The following SMAP1 variants were observed in gnomAD, a reference collection of about 807,000 sequenced individuals.
SMAP1 encodes the protein small ArfGAP 1.
SMAP1 carries 24 observed loss-of-function variants against 58.5 expected under a neutral mutation model. That is an observed-to-expected ratio of 0.41 (90% CI 0.30 to 0.58). SMAP1 has a LOEUF of 0.58. Among genes scored for constraint, SMAP1 ranks in the 20% least tolerant of loss-of-function variants. SMAP1 has a pLI of 0.29. For missense variants in SMAP1, 563 were observed against 566.3 expected (o/e 0.99, Z 0.06); for synonymous variants, 216 against 196.6 (o/e 1.10, Z -0.82).
chr6:70,786,663 GACAA>G (rs1245505185), intron 4 of SMAP1, among the ~76,000 whole-genome samples: 7 of 152,022 alleles, frequency 4.6e-5, no homozygotes, highest in Admixed American at 1.3e-4. Flanking sequence ...ATCAATAACA[GACAA>G]ACAGAGAGCC....
chr6:70,836,593 C>T (rs760065137), intron 6 of SMAP1, among the ~76,000 whole-genome samples: 27 of 152,010 alleles, frequency 1.8e-4, no homozygotes, highest in Non-Finnish European at 3.4e-4. Flanking sequence ...GACACACAGC[C>T]AAACTCTATC....
At chr6:70,677,377 T>G (rs1766523762) in intron 1 of SMAP1, among the ~76,000 whole-genome samples, 1 of 149,660 alleles carries the variant, frequency 6.7e-6, no homozygotes, top group Non-Finnish European at 1.5e-5. Context: ...TTGCAAAGAT[T>G]TATTTCAACC....
chr6:70,816,091 G>C (rs753964427), intron 6 of SMAP1, among the ~76,000 whole-genome samples: 4 of 152,092 alleles, frequency 2.6e-5, no homozygotes, highest in African/African-American at 9.7e-5. Context: ...ATATCATGTT[G>C]AGATTATTAG....
chr6:70,773,279 G>A, intron 3 of SMAP1, 71 bp from the exon 4 acceptor site: 1 of 876,764 alleles, frequency 1.1e-6, no homozygotes, highest in South Asian at 1.7e-5. Context: ...CCAGCTTTGT[G>A]GAGTGGCGTG....
intron 2 of SMAP1, among the ~76,000 whole-genome samples, chr6:70,746,072 GC>G (rs1159657687): frequency 2.0e-5 from 3 of 152,164 alleles, no homozygotes; most frequent in African/African-American, 7.2e-5. Context: ...GAGATTTTGG[GC>G]TGAGACGATG....
chr6:70,744,189 T>C (rs946389478), intron 2 of SMAP1, among the ~76,000 whole-genome samples: 1 of 151,918 alleles, frequency 6.6e-6, no homozygotes, highest in East Asian at 1.9e-4. Flanking sequence ...TTTTTTTTGT[T>C]ATACTTCAAG....
Position 70,686,273 on chromosome 6 carries a change from A to G in SMAP1, c.118+18132A>G, listed in dbSNP as rs1219296231. Among the ~76,000 whole-genome samples the G allele has an allele frequency of 2.0e-5, 3 of 151,960 alleles. 1 individual carries two copies. The highest frequency in any genetic ancestry group is 2.0e-4 in the Admixed American group (3 of 15,254). The stretch of plus-strand genomic sequence containing the variant: ...TAGGCAGTCCTTTACCATTTTTAAC[A>G]CCTTTGCCACATTTCATTGCTTGTT... On this transcript the variant is annotated intron_variant, in intron 1 of 10. Transcript: ENST00000370455.
At chr6:70,687,575 T>C (rs1318615080) in intron 1 of SMAP1, among the ~76,000 whole-genome samples, 1 of 152,192 alleles carries the variant, frequency 6.6e-6, no homozygotes, top group African/African-American at 2.4e-5. Context: ...TTTACTCTTT[T>C]GGTGCATGTT....
chr6:70,680,137 A>AACAACG (rs56669638), intron 1 of SMAP1, among the ~76,000 whole-genome samples: 1 of 152,084 alleles, frequency 6.6e-6, no homozygotes, highest in Non-Finnish European at 1.5e-5. Context: ...CAACAACAAC[A>AACAACG]GAATGTATAA....
At chr6:70,803,622 G>T (rs1287443829) in intron 6 of SMAP1, among the ~76,000 whole-genome samples, 1 of 152,086 alleles carries the variant, frequency 6.6e-6, no homozygotes, top group African/African-American at 2.4e-5. Context: ...ACTTTCTCTT[G>T]TGGGCATTTA....
chr6:70,762,837 CAG>C (rs1283515970), intron 3 of SMAP1, among the ~76,000 whole-genome samples: 6 of 151,916 alleles, frequency 3.9e-5, no homozygotes, highest in Non-Finnish European at 8.8e-5. Context: ...TTATTGTAAA[CAG>C]AAGTGAGACT....
chr6:70,841,219 T>G (rs914429856), intron 7 of SMAP1, among the ~76,000 whole-genome samples: 1 of 152,176 alleles, frequency 6.6e-6, no homozygotes, highest in Non-Finnish European at 1.5e-5. Context: ...TTAGTGGCCT[T>G]GAATGTGACC....
At chr6:70,757,909 T>G (rs1478654475) in intron 3 of SMAP1, among the ~76,000 whole-genome samples, 2 of 151,924 alleles carry the variant, frequency 1.3e-5, no homozygotes, top group African/African-American at 4.8e-5. Context: ...GGAACACTTT[T>G]ACACTGTTGG....
At position 70,856,931 on chromosome 6, in the gene SMAP1, C is replaced by A; in HGVS notation, c.862C>A (p.Gln288Lys). The A allele has an allele frequency of 1.2e-6, 2 of 1,613,930 alleles. No individual in the cohort carries two copies. The highest frequency in any genetic ancestry group is 1.1e-5 in the South Asian group (1 of 91,062). Residue 288 changes from glutamine to lysine, a missense_variant, in exon 9 of 11, where the codon CAA (glutamine) becomes AAA (lysine). Gln to Lys is a moderately conservative substitution (Grantham distance 53, BLOSUM62 1). This residue lies in a region of SMAP1 where 494 missense variants were observed against 473.8 expected (regional missense o/e 1.04). Coordinates refer to ENST00000370455, the MANE Select transcript of SMAP1 (RefSeq NM_001044305.3). The part of the protein sequence containing the change: ...TSGDLDLFTE[Q>K]TTKSEEVAKK... The stretch of plus-strand genomic sequence containing the variant: ...TGGGGATCTAGATTTATTCACTGAG[C>A]AAACTACAAAATCAGAAGAAGTGGC...
chr6:70,750,921 A>C (rs1302972367), intron 2 of SMAP1, among the ~76,000 whole-genome samples: 2 of 152,158 alleles, frequency 1.3e-5, no homozygotes, highest in African/African-American at 4.8e-5. Context: ...ATTTAATGGG[A>C]AAAGTCAATA....
chr6:70,697,327 C>T (rs1767445412), intron 1 of SMAP1, among the ~76,000 whole-genome samples: 2 of 147,644 alleles, frequency 1.4e-5, no homozygotes, highest in South Asian at 4.2e-4. Context: ...TTTTTTGAGA[C>T]AAGAGTCTCA....
chr6:70,832,460 A>G (rs1199143463), intron 6 of SMAP1, among the ~76,000 whole-genome samples: 1 of 152,198 alleles, frequency 6.6e-6, no homozygotes, highest in Non-Finnish European at 1.5e-5. Flanking sequence ...GTGTATCTTT[A>G]TTAGGGGATT....
chr6:70,758,455 G>A (rs917556118), intron 3 of SMAP1, among the ~76,000 whole-genome samples: 1 of 151,044 alleles, frequency 6.6e-6, no homozygotes, highest in East Asian at 1.9e-4. Context: ...CACCAGCATG[G>A]CACATGTATA....
intron 1 of SMAP1, among the ~76,000 whole-genome samples, chr6:70,672,144 G>A (rs1668990879): frequency 6.6e-6 from 1 of 152,208 alleles, no homozygotes; most frequent in African/African-American, 2.4e-5. Context: ...AAGACCTAAA[G>A]GAGTTTGTTT....
Sources: allele counts gnomAD v4.1 joint callset (sites outside exome capture counted in the v4.1 genomes callset), GRCh38; gene constraint gnomAD v4.1.1; regional missense constraint gnomAD v4.1.1; transcripts MANE v1.5; gene names NCBI Gene and HGNC (gene_info 2026-07-23, HGNC 2026-07-21).